MYO18B: variants seen among roughly 807,000 people sequenced by gnomAD.
MYO18B encodes the protein unconventional myosin-XVIIIb.
Under a neutral mutation model 273.0 loss-of-function variants are expected in MYO18B, and 204 were observed. The ratio of observed to expected loss-of-function variants is 0.75; its 90% CI spans 0.67 to 0.84. MYO18B has a LOEUF of 0.84. Among genes scored for constraint, MYO18B ranks in the 40% least tolerant of loss-of-function variants. MYO18B has a pLI of 0.00. For missense variants in MYO18B, 3,212 were observed against 3,287.6 expected (o/e 0.98, Z 0.56); for synonymous variants, 1,330 against 1,305.7 (o/e 1.02, Z -0.40).
intron 42 of MYO18B, among the ~76,000 whole-genome samples, chr22:26,018,017 G>A (rs1399780135): frequency 7.0e-6 from 1 of 142,498 alleles, no homozygotes; most frequent in African/African-American, 2.7e-5. Flanking sequence ...TAGAGTTCCA[G>A]GGGTGACTTG....
In MYO18B at chr22:25,860,081, G is replaced by A. The variant is rs185060238; in HGVS notation, c.3886-8239G>A. The stretch of plus-strand genomic sequence containing the variant: ...TTCAATTGTCCCAGTACCATTTGTT[G>A]GAAAGACTATTATCATTTCTCCCAG... On this transcript the variant is annotated intron_variant, in intron 21 of 43. Transcript: ENST00000335473. Among the ~76,000 whole-genome samples, 3 of 152,222 alleles carry A rather than the reference G, an allele frequency of 2.0e-5. No individual in the cohort carries two copies. The East Asian group carries it at 5.8e-4, about 29-fold the overall frequency.
the MYO18B span, among the ~76,000 whole-genome samples, chr22:26,050,534 C>T: frequency 3.9e-5 from 6 of 152,118 alleles, no homozygotes; most frequent in Non-Finnish European, 7.3e-5. Flanking sequence ...GGGGATGTAT[C>T]ATTATTAAAT....
intron 42 of MYO18B, among the ~76,000 whole-genome samples, chr22:26,023,852 C>A (rs887373273): frequency 6.6e-6 from 1 of 152,198 alleles, no homozygotes; most frequent in African/African-American, 2.4e-5. Flanking sequence ...CGTGTGAATG[C>A]CATCTTGCTG....
At chr22:25,792,386 G>A (rs1026572231) in intron 11 of MYO18B, among the ~76,000 whole-genome samples, 2 of 152,074 alleles carry the variant, frequency 1.3e-5, no homozygotes, top group Non-Finnish European at 2.9e-5. Context: ...TGAGCGACGG[G>A]TAGGGCAGCT....
chr22:25,787,309 C>CACACACACACACACACACACACACAG (rs57856007), intron 11 of MYO18B, among the ~76,000 whole-genome samples: 11 of 144,784 alleles, frequency 7.6e-5, no homozygotes, highest in African/African-American at 2.8e-4. Context: ...CACACACACA[C>CACACACACACACACACACACACACAG]AGTCTGTCTT....
At chr22:25,945,314 G>A (rs6004846) in intron 34 of MYO18B, among the ~76,000 whole-genome samples, 92,697 of 151,784 alleles carry the variant, frequency 0.61, 29,819 homozygotes, top group Middle Eastern at 0.75. Flanking sequence ...CACTGTGCCA[G>A]TGTCACCCTC....
chr22:25,900,241 T>C (rs1298817189), intron 29 of MYO18B: 2 of 152,242 alleles, frequency 1.3e-5, no homozygotes, highest in Non-Finnish European at 2.9e-5. Flanking sequence ...ATTTATGTTT[T>C]GATGCCAATT....
chr22:26,004,095 A>G (rs1473924919), intron 41 of MYO18B, among the ~76,000 whole-genome samples: 1 of 151,416 alleles, frequency 6.6e-6, no homozygotes, highest in Admixed American at 6.6e-5. Flanking sequence ...ATATTATAAT[A>G]TATATACACA....
intron 34 of MYO18B, among the ~76,000 whole-genome samples, chr22:25,927,576 G>A (rs2092439142): frequency 6.6e-6 from 1 of 152,152 alleles, no homozygotes; most frequent in African/African-American, 2.4e-5. Context: ...CGGTCCTGTG[G>A]TCCTGTGATC....
In MYO18B at chr22:26,027,133, C is replaced by T. The variant is rs919508250; in HGVS notation, c.7159C>T (p.Leu2387=). Residue 2387 remains leucine, a synonymous_variant, in exon 43 of 44, where the codon CTG becomes TTG. Transcript: ENST00000335473. The surrounding 1 kb of genome is among the most constrained non-coding windows in gnomAD (Gnocchi z 4.1). ...SPTLRPRRRC[L]ESSVDDAGCP... ...CACACTGCGTCCTCGGAGGCGGTGT[C>T]TGGAGTCCTCTGTGGACGATGCGGG... 1.2e-5 allele frequency: 20 copies of T among 1,613,904 alleles called. No individual in the cohort carries two copies. Among genetic ancestry groups the T allele is most frequent in the Non-Finnish European group, 1.7e-5 (20 of 1,179,900 alleles).
intron 42 of MYO18B, among the ~76,000 whole-genome samples, chr22:26,022,084 A>G (rs890277552): frequency 6.6e-6 from 1 of 151,976 alleles, no homozygotes; most frequent in Non-Finnish European, 1.5e-5. Context: ...CTCTCCTTGA[A>G]GAGTAACAGT....
chr22:25,874,433 A>G lies in MYO18B; in HGVS notation c.4080+19A>G. ...GCTGAAGGTACTGCATGCCGTTCCC[A>G]TGAGGAGTCTGATCCAACGGGTCTG... On this transcript the variant is annotated intron_variant, in intron 23 of 43. Transcript: ENST00000335473. 1 of 1,608,142 alleles carries G rather than the reference A, an allele frequency of 6.2e-7. No individual in the cohort carries two copies. Among genetic ancestry groups the G allele is most frequent in the Non-Finnish European group, 8.5e-7 (1 of 1,176,946 alleles).
chr22:25,828,968 G>C lies in MYO18B; in HGVS notation c.2979G>C (p.Glu993Asp), dbSNP rs1412542586. The change falls in exon 15 of 44, where the codon GAG (glutamate) becomes GAC (aspartate). Residue 993 changes from glutamate to aspartate, a missense_variant and splice_region_variant. Coordinates refer to ENST00000335473, the MANE Select transcript of MYO18B (RefSeq NM_032608.7). ...TCTCCACGCTACAGCGATATCAAGA[G>C]GTATGCCTGGGCTGGAGCAGGGCTT... ...TFVSTLQRYQ[E>D]EGVPVQFDLP... 6.8e-6 allele frequency: 11 copies of C among 1,613,758 alleles called. No homozygotes were observed. The highest frequency in any genetic ancestry group is 9.3e-6 in the Non-Finnish European group (11 of 1,179,804).
At chr22:25,947,382 C>T (rs1410743526) in intron 35 of MYO18B, among the ~76,000 whole-genome samples, 1 of 151,764 alleles carries the variant, frequency 6.6e-6, no homozygotes, top group African/African-American at 2.4e-5. Flanking sequence ...CATATATGTA[C>T]TAGGCACATT....
At chr22:25,878,176 G>A (rs2091252798) in intron 25 of MYO18B, 128 bp downstream of exon 25, 1 of 694,900 alleles carries the variant, frequency 1.4e-6, no homozygotes, top group Non-Finnish European at 2.4e-6. Flanking sequence ...AATTACCTGT[G>A]AGGCACATGC....
chr22:25,871,792 A>C (rs3859882), intron 22 of MYO18B, among the ~76,000 whole-genome samples: 103,263 of 148,420 alleles, frequency 0.7, 35,410 homozygotes, highest in East Asian at 0.86. Context: ...GGCAAAAAAA[A>C]CAAAAAACAA....
At position 26,027,971 on chromosome 22, in the gene MYO18B, C is replaced by T. The variant is rs559564825; in HGVS notation, c.*12+281C>T. ...AGAAGGTGCCAGATGTAGCCGGGCG[C>T]GGTGGCTCACGCCTGTAATCCCAGC... On this transcript the variant is annotated intron_variant, in intron 43 of 43. Coordinates refer to ENST00000335473, the MANE Select transcript of MYO18B (RefSeq NM_032608.7). The surrounding 1 kb of genome is among the most constrained non-coding windows in gnomAD (Gnocchi z 4.1). Among the ~76,000 whole-genome samples, 23 of 152,254 alleles carry T rather than the reference C, an allele frequency of 1.5e-4. No individual in the cohort carries two copies. In the East Asian group the frequency reaches 3.5e-3, roughly 23 times the overall value.
chr22:25,846,311 C>T, intron 19 of MYO18B, 28 bp downstream of exon 19: 2 of 1,606,328 alleles, frequency 1.2e-6, no homozygotes, highest in South Asian at 1.1e-5. Context: ...CTCATGGTGT[C>T]CTGGCCTTCA....
At chr22:26,028,289 C>G (rs1384867965) in intron 43 of MYO18B, 2 of 149,898 alleles carry the variant, frequency 1.3e-5, no homozygotes, top group South Asian at 4.2e-4. Flanking sequence ...TTAAAGTTAC[C>G]TCACCCTACT....
Sources: gnomAD v4.1 joint callset for allele counts (sites outside exome capture counted in the v4.1 genomes callset) on GRCh38, gnomAD v4.1.1 for gene constraint, Gnocchi (gnomAD v3.1) non-coding constraint, MANE v1.5 for transcripts, NCBI Gene and HGNC (gene_info 2026-07-23, HGNC 2026-07-21) for gene names.